TTC39C: variants seen among roughly 807,000 people sequenced by gnomAD.
TTC39C encodes tetratricopeptide repeat protein 39C.
TTC39C carries 33 observed loss-of-function variants against 76.3 expected under a neutral mutation model. The observed-to-expected ratio is 0.43, with a 90% CI of 0.33 to 0.58. TTC39C has a LOEUF of 0.58. Among genes scored for constraint, TTC39C ranks in the 20% least tolerant of loss-of-function variants. The pLI, the probability that TTC39C is intolerant of heterozygous loss-of-function variation, is 0.04. For missense variants in TTC39C, 595 were observed against 701.4 expected (o/e 0.85, Z 1.71); for synonymous variants, 254 against 260.6 (o/e 0.97, Z 0.24).
In TTC39C at chr18:24,080,951, T is replaced by C; in HGVS notation, c.815+12T>C. 6.3e-7 allele frequency: 1 copy of C among 1,575,452 alleles called. No homozygotes were observed. Among genetic ancestry groups the C allele is most frequent in the Non-Finnish European group, 8.7e-7 (1 of 1,151,238 alleles). On this transcript the variant is annotated intron_variant, in intron 5 of 13. Coordinates refer to ENST00000317571, the MANE Select transcript of TTC39C (RefSeq NM_001135993.2). ...GCCCCTTTAGCTACGTGAGTAGCTG[T>C]ATTGCAATGCTTTGGTAGATAATAT...
In TTC39C at chr18:24,003,794, T is replaced by A. The variant is rs559200174; in HGVS notation, c.-17+10756T>A. 3.9e-3 allele frequency among the ~76,000 whole-genome samples: 597 copies of A among 152,282 alleles called. 1 individual carries two copies. The highest frequency in any genetic ancestry group is 0.014 in the Middle Eastern group (4 of 294). The stretch of plus-strand genomic sequence containing the variant: ...ACAAGGTCTCACTCTGTCACCCAGA[T>A]TGGAGTACAGTGATACAATCATACC... On this transcript the variant is annotated intron_variant, in intron 1 of 13. Coordinates refer to the TTC39C transcript ENST00000304621.
At chr18:24,112,197 T>C (rs1419406062) in intron 6 of TTC39C, among the ~76,000 whole-genome samples, 1 of 152,196 alleles carries the variant, frequency 6.6e-6, no homozygotes, top group African/African-American at 2.4e-5. Context: ...CCTCCATGGT[T>C]GACAGTGTCC....
At position 24,066,166 on chromosome 18, in the gene TTC39C, G is replaced by T. The variant is rs1018520881; in HGVS notation, c.345+26G>T. On this transcript the variant is annotated intron_variant, in intron 3 of 13. Coordinates refer to ENST00000317571, the MANE Select transcript of TTC39C (RefSeq NM_001135993.2). The stretch of plus-strand genomic sequence containing the variant: ...GTAAGTATTGCGGCTTTAGGTTGTG[G>T]ACTGTGTGCCACTTATTTAGAATAT... The T allele has an allele frequency of 2.5e-6, 4 of 1,573,646 alleles. No individual in the cohort carries two copies. The African/African-American group carries it at 5.6e-5, about 22-fold the overall frequency.
At chr18:24,114,922 T>C (rs1045270462) in intron 7 of TTC39C, 7 of 272,628 alleles carry the variant, frequency 2.6e-5, no homozygotes, top group Admixed American at 1.1e-4. Flanking sequence ...TGGACTGCAT[T>C]AGAATTCAAA....
intron 1 of TTC39C, among the ~76,000 whole-genome samples, chr18:24,038,593 A>G (rs565040788): frequency 7.9e-5 from 12 of 152,294 alleles, no homozygotes; most frequent in African/African-American, 2.9e-4. Flanking sequence ...CACACAGCAT[A>G]TAATTTAAAT....
chr18:24,056,346 G>A (rs1050400298), intron 1 of TTC39C, among the ~76,000 whole-genome samples: 3 of 152,026 alleles, frequency 2.0e-5, no homozygotes, highest in South Asian at 2.1e-4. Flanking sequence ...CATTTGAAGG[G>A]GAGAAAAGTA....
At position 24,099,846 on chromosome 18, in the gene TTC39C, TTTATA is replaced by T. The variant is rs764228013; in HGVS notation, c.985-14702_985-14698del. Among the ~76,000 whole-genome samples the T allele has an allele frequency of 8.5e-5, 13 of 152,254 alleles. No homozygotes were observed. The South Asian group carries it at 2.3e-3, about 27-fold the overall frequency. Reference sequence around the variant, plus strand: ...TATATTTACTTATATCCATTTTAGTTTTATATTATAGTTTTCCATTTCTAGTTATT... The same window carrying T: ...TATATTTACTTATATCCATTTTAGTTTTATAGTTTTCCATTTCTAGTTATT... On this transcript the variant is annotated intron_variant, in intron 6 of 13. Coordinates refer to ENST00000317571, the MANE Select transcript of TTC39C (RefSeq NM_001135993.2).
chr18:24,001,857 G>T (rs1307134099), intron 1 of TTC39C, among the ~76,000 whole-genome samples: 1 of 133,898 alleles, frequency 7.5e-6, no homozygotes, highest in East Asian at 2.2e-4. Flanking sequence ...ACGGAGTCTC[G>T]CTCTGTGGCC....
At chr18:24,027,393 A>T (rs1315713338) in intron 1 of TTC39C, among the ~76,000 whole-genome samples, 1 of 152,116 alleles carries the variant, frequency 6.6e-6, no homozygotes, top group Non-Finnish European at 1.5e-5. Context: ...CCCAATTTCA[A>T]ATGGTGAATT....
intron 6 of TTC39C, among the ~76,000 whole-genome samples, chr18:24,104,726 G>A (rs1599329458): frequency 6.8e-6 from 1 of 146,694 alleles, no homozygotes; most frequent in Non-Finnish European, 1.5e-5. Flanking sequence ...GTGTGTGACT[G>A]TGCATGTGTG....
In TTC39C at chr18:24,015,002, G is replaced by T. The variant is rs1215952086; in HGVS notation, c.131G>T (p.Gly44Val). 1 of 1,522,348 alleles carries T rather than the reference G, an allele frequency of 6.6e-7. No homozygotes were observed. The highest frequency in any genetic ancestry group is 8.8e-7 in the Non-Finnish European group (1 of 1,134,968). 94.3% of individuals were successfully genotyped at this position (1,522,348 alleles called of 1,614,324 possible). Residue 44 changes from glycine (G) to valine (V), a missense_variant, in exon 1 of 14, where the codon GGC (glycine) becomes GTC (valine). Gly to Val is a moderately radical substitution (Grantham distance 109). Coordinates refer to ENST00000317571, the MANE Select transcript of TTC39C (RefSeq NM_001135993.2). ...LAGINMLLNN[G>V]FRESDQLFKQ... ...GGCATCAACATGCTGCTCAACAACG[G>T]CTTCAGGGAGTCGGACCAGCTTTTC...
chr18:24,001,810 G>T (rs1183237963), intron 1 of TTC39C, among the ~76,000 whole-genome samples: 1 of 145,226 alleles, frequency 6.9e-6, no homozygotes, highest in Non-Finnish European at 1.5e-5. Context: ...AGGGTGAGGT[G>T]TACGGTAATT....
chr18:24,101,581 A>G (rs922047537), intron 6 of TTC39C, among the ~76,000 whole-genome samples: 2 of 151,932 alleles, frequency 1.3e-5, no homozygotes, highest in African/African-American at 4.8e-5. Flanking sequence ...ACATCCACAT[A>G]GCAGCTTGCC....
chr18:24,113,525 G>A (rs1340601792), intron 6 of TTC39C: 1 of 698,506 alleles, frequency 1.4e-6, no homozygotes, highest in African/African-American at 1.8e-5. Context: ...GCACCTGGAA[G>A]CCCAGGGGAG....
rs1568450608 is a variant in TTC39C, at chr18:24,134,255, C to CTTTTTTTTTTTTTTTTTT, written c.*1682_*1683insTTTTTTTTTTTTTTTTTT. 1.1e-4 allele frequency: 5 copies of CTTTTTTTTTTTTTTTTTT among 46,726 alleles called. No homozygotes were observed. The highest frequency in any genetic ancestry group is 4.2e-4 in the African/African-American group (5 of 12,032). 2.9% of individuals were successfully genotyped at this position (46,726 alleles called of 1,614,324 possible). A position where few individuals can be genotyped will look rare whatever the true frequency, so the allele number is the denominator to read the frequency against. On this transcript the variant is annotated 3_prime_UTR_variant, in exon 14 of 14. Coordinates refer to ENST00000317571, the MANE Select transcript of TTC39C (RefSeq NM_001135993.2). Reference sequence around the variant, plus strand: ...ATTGGTGCCCAAAAATATTGGACATCTGTTTTTTGTTTTTTTTTTTTTTTT... The same window carrying CTTTTTTTTTTTTTTTTTT: ...ATTGGTGCCCAAAAATATTGGACATCTTTTTTTTTTTTTTTTTTTGTTTTTTGTTTTTTTTTTTTTTTT...
At chr18:24,040,287 C>A (rs931065270) in intron 1 of TTC39C, among the ~76,000 whole-genome samples, 12 of 152,174 alleles carry the variant, frequency 7.9e-5, no homozygotes, top group African/African-American at 2.7e-4. Context: ...CTTGCGTAAG[C>A]CGCATCTATA....
rs1425319176 is a variant in TTC39C at position 24,133,935 on chromosome 18, TAAAAC to T, written c.*1363_*1367del. 14 of 152,596 alleles carry T rather than the reference TAAAAC, an allele frequency of 9.2e-5. No individual in the cohort carries two copies. The South Asian group carries it at 1.2e-3, about 14-fold the overall frequency. 9.5% of individuals were successfully genotyped at this position (152,596 alleles called of 1,614,324 possible). On this transcript the variant is annotated 3_prime_UTR_variant, in exon 14 of 14. Coordinates refer to ENST00000317571, the MANE Select transcript of TTC39C (RefSeq NM_001135993.2). The stretch of plus-strand genomic sequence containing the variant: ...AATATTTTAATATTTCTTTTCAAAA[TAAAAC>T]AGAAAAGCAAGTAGAATGTTGGCAA...
Position 24,135,114 on chromosome 18 carries a change from T to C in TTC39C, c.*2540T>C, listed in dbSNP as rs1179848698. 1 of 152,154 alleles carries C rather than the reference T, an allele frequency of 6.6e-6. No homozygotes were observed. Among genetic ancestry groups the C allele is most frequent in the East Asian group, 1.9e-4 (1 of 5,180 alleles). 9.4% of individuals were successfully genotyped at this position (152,154 alleles called of 1,614,324 possible). A position where few individuals can be genotyped will look rare whatever the true frequency, so the allele number is the denominator to read the frequency against. ...GTCACCCGGGTTTAAGCGATTCTTC[T>C]GCCTGAGCCTCCCAAGTAGCTGGGA... On this transcript the variant is annotated 3_prime_UTR_variant, in exon 14 of 14. Coordinates refer to ENST00000317571, the MANE Select transcript of TTC39C (RefSeq NM_001135993.2).
At chr18:24,032,040 G>A (rs1415210901) in intron 1 of TTC39C, among the ~76,000 whole-genome samples, 1 of 152,126 alleles carries the variant, frequency 6.6e-6, no homozygotes, top group Non-Finnish European at 1.5e-5. Context: ...GAAGACATTG[G>A]CCTTGAAGAT....
Sources: gnomAD v4.1 joint callset for allele counts (sites outside exome capture counted in the v4.1 genomes callset) on GRCh38, gnomAD v4.1.1 for gene constraint, MANE v1.5 for transcripts, NCBI Gene and HGNC (gene_info 2026-07-23, HGNC 2026-07-21) for gene names.